The following PLD5 variants were observed in gnomAD, a reference collection of about 807,000 sequenced individuals.
The protein encoded by PLD5 is inactive phospholipase D5.
PLD5 carries 36 observed loss-of-function variants against 61.1 expected under a neutral mutation model. The ratio of observed to expected loss-of-function variants is 0.59; its 90% CI spans 0.45 to 0.78. The LOEUF (loss-of-function observed/expected upper bound fraction) is 0.78, where lower values mean the gene tolerates loss of function less well. PLD5 is among the 30% of genes least tolerant of loss of function. PLD5 has a pLI of 0.00. For missense variants in PLD5, 515 were observed against 644.4 expected (o/e 0.80, Z 2.17); for synonymous variants, 243 against 242.8 (o/e 1.00, Z -0.01).
chr1:242,455,114 C>T (rs75348480), intron 1 of PLD5, among the ~76,000 whole-genome samples: 23 of 152,260 alleles, frequency 1.5e-4, no homozygotes, highest in African/African-American at 5.3e-4. Flanking sequence ...CAGAAGCTGC[C>T]CTCCAACTCA....
At chr1:242,248,424 A>T (rs1269822954) in intron 4 of PLD5, among the ~76,000 whole-genome samples, 2 of 152,108 alleles carry the variant, frequency 1.3e-5, no homozygotes, top group Admixed American at 1.3e-4. Flanking sequence ...CTGCACATGT[A>T]TCCCAGAATT....
intron 9 of PLD5, among the ~76,000 whole-genome samples, chr1:242,098,765 T>C (rs1442064471): frequency 6.6e-6 from 1 of 152,216 alleles, no homozygotes; most frequent in Non-Finnish European, 1.5e-5. Flanking sequence ...GTTTGTTAGT[T>C]TTCCTTCTGC....
At chr1:242,275,618 A>G (rs894047570) in intron 3 of PLD5, among the ~76,000 whole-genome samples, 1 of 152,196 alleles carries the variant, frequency 6.6e-6, no homozygotes, top group Non-Finnish European at 1.5e-5. Context: ...TATGTAGATG[A>G]CAGATAAGCA....
chr1:242,386,595 A>G (rs530027434), intron 1 of PLD5, among the ~76,000 whole-genome samples: 1 of 152,338 alleles, frequency 6.6e-6, no homozygotes, highest in South Asian at 2.1e-4. Context: ...AATTCAGAAT[A>G]CAAAGCACTC....
chr1:242,524,173 C>T lies in PLD5; in HGVS notation c.104G>A (p.Arg35Gln). Residue 35 changes from arginine to glutamine, a missense_variant, in exon 1 of 10, where the codon CGA (arginine) becomes CAA (glutamine). Transcript: ENST00000536534. The stretch of plus-strand genomic sequence containing the variant: ...GCTGCTGTAGAAGTTCGCGCCCACT[C>T]GGGTCAGGCTTGGGGAGGGCTCCTT... ...RPKEPSPSLT[R>Q]VGANFYSSVK... 1 of 1,535,426 alleles carries T rather than the reference C, an allele frequency of 6.5e-7. No homozygotes were observed.
chr1:242,438,692 T>C (rs1666129610), intron 1 of PLD5, among the ~76,000 whole-genome samples: 1 of 152,026 alleles, frequency 6.6e-6, no homozygotes, highest in Non-Finnish European at 1.5e-5. Context: ...CCTCCCAAAG[T>C]GTTGGGATTA....
intron 1 of PLD5, among the ~76,000 whole-genome samples, chr1:242,482,028 G>A (rs182761153): frequency 0.023 from 3,472 of 152,274 alleles, 119 homozygotes; most frequent in African/African-American, 0.079. Context: ...CTAACAAACA[G>A]AAAGGACATC....
At chr1:242,117,388 T>C (rs367623346) in intron 6 of PLD5, among the ~76,000 whole-genome samples, 5 of 8,812 alleles carry the variant, frequency 5.7e-4, no homozygotes, top group African/African-American at 6.2e-4. Flanking sequence ...CTCCATGAAT[T>C]TTTTTTTTTT....
At chr1:242,186,478 T>C (rs1281237249) in intron 5 of PLD5, among the ~76,000 whole-genome samples, 3 of 152,156 alleles carry the variant, frequency 2.0e-5, no homozygotes, top group African/African-American at 7.2e-5. Context: ...CCACCATACC[T>C]GGCCTGGGCT....
At chr1:242,156,237 A>G (rs1665356537) in intron 5 of PLD5, among the ~76,000 whole-genome samples, 1 of 152,066 alleles carries the variant, frequency 6.6e-6, no homozygotes, top group South Asian at 2.1e-4. Flanking sequence ...TTTTGAGCCT[A>G]TGTGTGTCTT....
chr1:242,108,231 C>T (rs1441211153), intron 7 of PLD5, among the ~76,000 whole-genome samples: 1 of 151,926 alleles, frequency 6.6e-6, no homozygotes. Flanking sequence ...CCAAATGCCA[C>T]TAAAACCTCT....
chr1:242,165,096 C>A (rs1666206050), intron 5 of PLD5, among the ~76,000 whole-genome samples: 1 of 152,006 alleles, frequency 6.6e-6, no homozygotes, highest in South Asian at 2.1e-4. Flanking sequence ...TAGCTTCCCA[C>A]CTCTCCCCTT....
At chr1:242,100,000 C>A (rs969263240) in intron 9 of PLD5, among the ~76,000 whole-genome samples, 7 of 152,102 alleles carry the variant, frequency 4.6e-5, no homozygotes, top group Non-Finnish European at 8.8e-5. Flanking sequence ...AATAATTACA[C>A]CAGTGTAGAA....
chr1:242,465,639 C>T (rs79851044), intron 1 of PLD5, among the ~76,000 whole-genome samples: 6,271 of 152,324 alleles, frequency 0.041, 196 homozygotes, highest in Middle Eastern at 0.061. Flanking sequence ...TTCACAAATG[C>T]CAGGCACGGC....
chr1:242,251,658 G>A (rs1672712485), intron 4 of PLD5, among the ~76,000 whole-genome samples: 1 of 152,166 alleles, frequency 6.6e-6, no homozygotes, highest in Admixed American at 6.6e-5. Flanking sequence ...ACACCTGCCA[G>A]AGGGGATCTA....
chr1:242,089,294 T>C lies in PLD5; in HGVS notation c.*560A>G, dbSNP rs768297828. ...AGAAAATGATACCAAATAAAACTTA[T>C]GGTATAAGAAGAAAATGAGCAAGAC... On this transcript the variant is annotated 3_prime_UTR_variant, in exon 10 of 10. Coordinates refer to ENST00000536534, the MANE Select transcript of PLD5 (RefSeq NM_001372062.1). 4.0e-5 allele frequency: 16 copies of C among 399,126 alleles called. No individual in the cohort carries two copies. The highest frequency in any genetic ancestry group is 1.3e-4 in the South Asian group (1 of 7,898). The allele number at this position is 399,126 out of a possible 1,614,324, so 24.7% of individuals were successfully genotyped here. A position where few individuals can be genotyped will look rare whatever the true frequency, so the allele number is the denominator to read the frequency against.
chr1:242,124,437 A>G (rs376737481), intron 6 of PLD5, 31 bp downstream of exon 6: 2 of 1,591,736 alleles, frequency 1.3e-6, no homozygotes. Context: ...AGGAAGAAGG[A>G]GAAGGGGAGG....
At chr1:242,379,361 G>A (rs1020616227) in intron 1 of PLD5, among the ~76,000 whole-genome samples, 5 of 152,128 alleles carry the variant, frequency 3.3e-5, no homozygotes, top group South Asian at 4.1e-4. Flanking sequence ...TTCTCTGCAC[G>A]TACCTGGTTT....
upstream of PLD5, among the ~76,000 whole-genome samples, chr1:242,529,045 G>A (rs1451582940): frequency 2.6e-5 from 4 of 152,106 alleles, no homozygotes; most frequent in African/African-American, 9.7e-5. Flanking sequence ...TCTATTCTTT[G>A]TTGTCAAGAA....
Sources: gnomAD v4.1 joint callset for allele counts (sites outside exome capture counted in the v4.1 genomes callset) on GRCh38, gnomAD v4.1.1 for gene constraint, MANE v1.5 for transcripts, NCBI Gene and HGNC (gene_info 2026-07-23, HGNC 2026-07-21) for gene names.